Variants in ENAH observed in about 807,000 individuals in gnomAD.
The protein encoded by ENAH is protein enabled homolog.
ENAH carries 23 observed loss-of-function variants against 78.7 expected under a neutral mutation model. The observed-to-expected ratio is 0.29, with a 90% CI of 0.21 to 0.41. The LOEUF (loss-of-function observed/expected upper bound fraction) is 0.41, where lower values mean the gene tolerates loss of function less well. Ranked by LOEUF, ENAH falls within the 10% of genes least tolerant of loss-of-function variation. The probability of loss-of-function intolerance (pLI) is 1.00; values close to 1 mark genes in which losing one functional copy is unlikely to be tolerated. For missense variants in ENAH, 544 were observed against 691.0 expected (o/e 0.79, Z 2.39); for synonymous variants, 226 against 241.0 (o/e 0.94, Z 0.58).
At chr1:225,523,660 T>C (rs1000962853) in intron 4 of ENAH, among the ~76,000 whole-genome samples, 1 of 152,172 alleles carries the variant, frequency 6.6e-6, no homozygotes, top group Non-Finnish European at 1.5e-5. Flanking sequence ...AAAATAGTGA[T>C]TCAAGCAGAA....
At chr1:225,602,082 T>C (rs2096933732) in intron 1 of ENAH, among the ~76,000 whole-genome samples, 1 of 151,916 alleles carries the variant, frequency 6.6e-6, no homozygotes, top group South Asian at 2.1e-4. Context: ...AAAATTCTAG[T>C]AAGATTCATC....
At chr1:225,523,762 G>A (rs1283788426) in intron 4 of ENAH, among the ~76,000 whole-genome samples, 1 of 152,100 alleles carries the variant, frequency 6.6e-6, no homozygotes, top group East Asian at 1.9e-4. Flanking sequence ...GACCTCTAAA[G>A]CAAGACATTT....
intron 2 of ENAH, among the ~76,000 whole-genome samples, chr1:225,560,738 T>G (rs1383405549): frequency 3.9e-5 from 6 of 152,184 alleles, no homozygotes; most frequent in African/African-American, 1.2e-4. Flanking sequence ...CTACTAAATT[T>G]TAACATTATC....
At chr1:225,538,416 T>C (rs1160177872) in intron 3 of ENAH, among the ~76,000 whole-genome samples, 3 of 152,122 alleles carry the variant, frequency 2.0e-5, no homozygotes, top group African/African-American at 7.2e-5. Context: ...ATTTTTAAAG[T>C]GGCATTTTGA....
At chr1:225,557,787 C>T (rs1485555815) in intron 2 of ENAH, among the ~76,000 whole-genome samples, 2 of 152,136 alleles carry the variant, frequency 1.3e-5, no homozygotes, top group Admixed American at 6.5e-5. Flanking sequence ...TGCCACTGCA[C>T]TCCAGCCTGG....
At chr1:225,520,951 AGGG>A in intron 4 of ENAH, among the ~76,000 whole-genome samples, 1 of 3,814 alleles carries the variant, frequency 2.6e-4, no homozygotes, top group South Asian at 8.6e-3. Flanking sequence ...GGAGGGAGGG[AGGG>A]AGGGAGGGAG....
chr1:225,491,880 A>G lies in ENAH; in HGVS notation c.*5895T>C, dbSNP rs147416043. 7.3e-4 allele frequency: 111 copies of G among 152,272 alleles called. No homozygotes were observed. Among genetic ancestry groups the G allele is most frequent in the African/African-American group, 2.7e-3 (111 of 41,570 alleles). 9.4% of individuals were successfully genotyped at this position (152,272 alleles called of 1,614,324 possible). A position where few individuals can be genotyped will look rare whatever the true frequency, so the allele number is the denominator to read the frequency against. Reference sequence around the variant, plus strand: ...CATCTCCTTTATTAGTTATTTCTTTATGCTTTTAGAATTGTCATCTACTGC... The same window carrying G: ...CATCTCCTTTATTAGTTATTTCTTTGTGCTTTTAGAATTGTCATCTACTGC... On this transcript the variant is annotated 3_prime_UTR_variant, in exon 14 of 14. Transcript: ENST00000366843.
rs2096239211 is a variant in ENAH at position 225,494,298 on chromosome 1, G to C, written c.*3477C>G. The C allele has an allele frequency of 6.6e-6, 1 of 151,938 alleles. No homozygotes were observed. Among genetic ancestry groups the C allele is most frequent in the Admixed American group, 6.6e-5 (1 of 15,248 alleles). 9.4% of individuals were successfully genotyped at this position (151,938 alleles called of 1,614,324 possible). On this transcript the variant is annotated 3_prime_UTR_variant, in exon 14 of 14. Transcript: ENST00000366843. ...CTCAAAATTAATACTTTATAATAGA[G>C]AAAAAGTACTACTGCTTATATGTAG...
At chr1:225,512,845 A>C in intron 8 of ENAH, 26 bp downstream of exon 8, 1 of 1,611,478 alleles carries the variant, frequency 6.2e-7, no homozygotes, top group East Asian at 2.2e-5. Context: ...AATTCTGGGC[A>C]TGTCCATTAT....
At chr1:225,526,497 C>A (rs928429001) in intron 4 of ENAH, among the ~76,000 whole-genome samples, 6 of 152,082 alleles carry the variant, frequency 3.9e-5, no homozygotes, top group Non-Finnish European at 7.4e-5. Flanking sequence ...TGCCACCAGG[C>A]CTGGCTAATT....
intron 1 of ENAH, among the ~76,000 whole-genome samples, chr1:225,615,616 GC>G (rs2097024258): frequency 6.6e-6 from 1 of 151,310 alleles, no homozygotes. Flanking sequence ...CTGCCCGGCC[GC>G]CCGGCGTCTG....
intron 1 of ENAH, among the ~76,000 whole-genome samples, chr1:225,580,531 C>T (rs115784824): frequency 0.033 from 4,951 of 152,204 alleles, 114 homozygotes; most frequent in Non-Finnish European, 0.046. Flanking sequence ...AAATACGTGA[C>T]GTTTTAAGCC....
intron 3 of ENAH, among the ~76,000 whole-genome samples, chr1:225,539,507 C>A (rs964943231): frequency 6.6e-6 from 1 of 152,174 alleles, no homozygotes; most frequent in South Asian, 2.1e-4. Context: ...TTAGCATCAT[C>A]TAATTAAGTT....
intron 1 of ENAH, among the ~76,000 whole-genome samples, chr1:225,610,515 T>C (rs1188679667): frequency 5.3e-5 from 8 of 152,148 alleles, no homozygotes; most frequent in Admixed American, 6.5e-5. Context: ...TTCTTTTTTT[T>C]CCCAAGTATG....
chr1:225,624,776 C>T (rs1322435804), intron 1 of ENAH, among the ~76,000 whole-genome samples: 1 of 152,120 alleles, frequency 6.6e-6, no homozygotes, highest in African/African-American at 2.4e-5. Context: ...CTCTATCCAC[C>T]GGGGATGAAG....
At chr1:225,508,988 T>C (rs952324381) in intron 10 of ENAH, among the ~76,000 whole-genome samples, 1 of 152,186 alleles carries the variant, frequency 6.6e-6, no homozygotes, top group Admixed American at 6.5e-5. Context: ...GGTTCTGGAT[T>C]TCTTGTTGCA....
chr1:225,551,312 C>T (rs2096639470), intron 3 of ENAH, among the ~76,000 whole-genome samples: 1 of 152,038 alleles, frequency 6.6e-6, no homozygotes, highest in Admixed American at 6.6e-5. Flanking sequence ...GAAAACATTT[C>T]TGCCACCCAC....
At chr1:225,505,006 T>G (rs369813451) in intron 11 of ENAH, 1 of 1,612,604 alleles carries the variant, frequency 6.2e-7, no homozygotes. Flanking sequence ...TAATGAATCA[T>G]AGGACCTGTT....
rs933057414 is a variant in ENAH at position 225,539,239 on chromosome 1, C to G, written c.350-8601G>C. Among the ~76,000 whole-genome samples, 17 of 152,256 alleles carry G rather than the reference C, an allele frequency of 1.1e-4. 1 individual carries two copies. Among genetic ancestry groups the G allele is most frequent in the African/African-American group, 4.1e-4 (17 of 41,556 alleles). On this transcript the variant is annotated intron_variant, in intron 3 of 13. Coordinates refer to ENST00000366843, the MANE Select transcript of ENAH (RefSeq NM_018212.6). ...CCAAACTCTCTCCATTGCTACTGTT[C>G]TTGTTCCATGATCCCTTGCTTAGTC...
Sources: gnomAD v4.1 joint callset for allele counts (sites outside exome capture counted in the v4.1 genomes callset) on GRCh38, gnomAD v4.1.1 for gene constraint, MANE v1.5 for transcripts, NCBI Gene and HGNC (gene_info 2026-07-23, HGNC 2026-07-21) for gene names.